Variants in FADS2 observed in about 807,000 individuals in gnomAD.
FADS2 encodes fatty acid desaturase 2.
A neutral mutation model predicts 61.2 loss-of-function variants in FADS2; 18 were observed. That is an observed-to-expected ratio of 0.29 (90% CI 0.20 to 0.44). The LOEUF (loss-of-function observed/expected upper bound fraction) is 0.44, where lower values mean the gene tolerates loss of function less well. FADS2 is among the 20% of genes least tolerant of loss of function. The pLI, the probability that FADS2 is intolerant of heterozygous loss-of-function variation, is 1.00. For synonymous variants in FADS2, 203 were observed against 223.9 expected, an observed-to-expected ratio of 0.91 and a Z score of 0.83; for missense variants, 322 against 572.7, an observed-to-expected ratio of 0.56 and a Z score of 4.47.
At chr11:61,857,586 G>T in intron 7 of FADS2, 56 bp downstream of exon 7, 2 of 1,500,728 alleles carry the variant, frequency 1.3e-6, no homozygotes, top group South Asian at 1.1e-5. Context: ...GGGACAGGGG[G>T]ACCCGGGGGT....
chr11:61,824,424 GAGA>G (rs2067055929), upstream of FADS2, among the ~76,000 whole-genome samples: 2 of 12,090 alleles, frequency 1.7e-4, no homozygotes, highest in Non-Finnish European at 4.9e-4. Flanking sequence ...GAGAGAGAGA[GAGA>G]GAGAGAGGGA....
At chr11:61,850,525 G>A (rs941585705) in intron 5 of FADS2, among the ~76,000 whole-genome samples, 2 of 152,000 alleles carry the variant, frequency 1.3e-5, no homozygotes, top group Non-Finnish European at 2.9e-5. Flanking sequence ...CTGGGATTAC[G>A]GGTGTAAGCC....
intron 4 of FADS2, 50 bp downstream of exon 4, chr11:61,840,775 C>T (rs1163858939): frequency 1.5e-6 from 2 of 1,368,002 alleles, no homozygotes; most frequent in South Asian, 1.2e-5. Flanking sequence ...GCAGTTGAGA[C>T]AGAGGGACCA....
intron 5 of FADS2, among the ~76,000 whole-genome samples, chr11:61,853,873 C>T (rs1297048454): frequency 6.6e-6 from 1 of 152,162 alleles, no homozygotes; most frequent in African/African-American, 2.4e-5. Context: ...CAAGGAGGGC[C>T]CTTGTCATTC....
intron 1 of FADS2, among the ~76,000 whole-genome samples, chr11:61,820,674 C>T (rs558189485): frequency 1.4e-4 from 22 of 151,944 alleles, no homozygotes; most frequent in Admixed American, 5.9e-4. Context: ...GTGAGGAGGG[C>T]GGATCACCTG....
chr11:61,837,722 G>A (rs770713689), intron 1 of FADS2, 56 bp from the exon 2 acceptor site: 13 of 1,253,436 alleles, frequency 1.0e-5, no homozygotes, highest in Admixed American at 1.9e-5. Flanking sequence ...CCTCCTTGGG[G>A]CCCAAGAGCA....
At chr11:61,857,984 C>T (rs931090296) in intron 7 of FADS2, among the ~76,000 whole-genome samples, 12 of 152,242 alleles carry the variant, frequency 7.9e-5, no homozygotes, top group Non-Finnish European at 1.6e-4. Context: ...TAAGCAGCAG[C>T]GATGTGTTTT....
rs373560027 is a variant in FADS2 at position 61,845,556 on chromosome 11, G to A, written c.619-2603G>A. Among the ~76,000 whole-genome samples the A allele has an allele frequency of 7.4e-4, 112 of 152,270 alleles. 1 individual carries two copies. In the South Asian group the frequency reaches 0.019, roughly 26 times the overall value. On this transcript the variant is annotated intron_variant, in intron 4 of 11. Transcript: ENST00000278840. ...GCCTGTAATCCCAGCACTTTGGGAGGCGGAGGTGGGCGGATCACCTGGGTT... is the reference window on the plus strand; with the variant it reads ...GCCTGTAATCCCAGCACTTTGGGAGACGGAGGTGGGCGGATCACCTGGGTT...
At chr11:61,852,119 G>A (rs1478487596) in intron 5 of FADS2, among the ~76,000 whole-genome samples, 1 of 152,150 alleles carries the variant, frequency 6.6e-6, no homozygotes, top group Non-Finnish European at 1.5e-5. Context: ...GCCCGGGCTT[G>A]GCCTGGGCTG....
chr11:61,841,112 G>T (rs996457596), intron 4 of FADS2, among the ~76,000 whole-genome samples: 1 of 151,414 alleles, frequency 6.6e-6, no homozygotes, highest in African/African-American at 2.4e-5. Flanking sequence ...GGAAGCAATG[G>T]TGTGATCTTG....
upstream of FADS2, among the ~76,000 whole-genome samples, chr11:61,824,207 C>A (rs2067051873): frequency 6.6e-6 from 1 of 151,828 alleles, no homozygotes; most frequent in East Asian, 1.9e-4. Flanking sequence ...CATGGAGAAA[C>A]CCTGTCTCTA....
At chr11:61,853,212 T>A (rs2067322826) in intron 5 of FADS2, among the ~76,000 whole-genome samples, 1 of 151,244 alleles carries the variant, frequency 6.6e-6, no homozygotes, top group East Asian at 1.9e-4. Flanking sequence ...AAAAAAAGTG[T>A]AGTCACTCTT....
intron 1 of FADS2, among the ~76,000 whole-genome samples, chr11:61,837,034 G>A (rs1021376643): frequency 6.6e-6 from 1 of 152,188 alleles, no homozygotes; most frequent in African/African-American, 2.4e-5. Flanking sequence ...CTTTCTGGGT[G>A]ATATTTATTT....
At chr11:61,835,475 C>T (rs1052556799) in intron 1 of FADS2, among the ~76,000 whole-genome samples, 1 of 151,250 alleles carries the variant, frequency 6.6e-6, no homozygotes, top group African/African-American at 2.4e-5. Flanking sequence ...CTCACTGCAA[C>T]CTTCCACCTC....
At position 61,865,733 on chromosome 11, in the gene FADS2, G is replaced by A; in HGVS notation, c.*44G>A. ...ACCGTGGGGAAGGGGTGCAGGTGGG[G>A]TGATGGCCAGAGGAATGATGGGCTT... On this transcript the variant is annotated 3_prime_UTR_variant, in exon 12 of 12. Coordinates refer to ENST00000278840, the MANE Select transcript of FADS2 (RefSeq NM_004265.4). The surrounding 1 kb of genome is among the most constrained non-coding windows in gnomAD (Gnocchi z 4.1). 1 of 1,548,834 alleles carries A rather than the reference G, an allele frequency of 6.5e-7. No individual in the cohort carries two copies. The highest frequency in any genetic ancestry group is 8.9e-7 in the Non-Finnish European group (1 of 1,128,350).
chr11:61,838,755 C>A (rs986789584), intron 2 of FADS2, among the ~76,000 whole-genome samples: 4 of 152,284 alleles, frequency 2.6e-5, no homozygotes, highest in African/African-American at 9.6e-5. Flanking sequence ...CATGAGATCA[C>A]CTGCCCTGTA....
At chr11:61,860,097 G>A (rs1192448496) in intron 7 of FADS2, among the ~76,000 whole-genome samples, 2 of 152,268 alleles carry the variant, frequency 1.3e-5, no homozygotes, top group Admixed American at 6.5e-5. Flanking sequence ...ATGACCTGGG[G>A]CACTGGTTCT....
At chr11:61,845,868 G>A (rs944027065) in intron 4 of FADS2, among the ~76,000 whole-genome samples, 2 of 151,132 alleles carry the variant, frequency 1.3e-5, no homozygotes, top group East Asian at 1.9e-4. Flanking sequence ...ATCTCATCCC[G>A]AGTCCAGGGA....
chr11:61,851,632 C>T (rs958091890), intron 5 of FADS2, among the ~76,000 whole-genome samples: 1 of 152,222 alleles, frequency 6.6e-6, no homozygotes, highest in Non-Finnish European at 1.5e-5. Flanking sequence ...ATGCCAGTCC[C>T]ACACACCACA....
Sources: gnomAD v4.1 joint callset for allele counts (sites outside exome capture counted in the v4.1 genomes callset) on GRCh38, gnomAD v4.1.1 for gene constraint, Gnocchi (gnomAD v3.1) non-coding constraint, MANE v1.5 for transcripts, NCBI Gene and HGNC (gene_info 2026-07-23, HGNC 2026-07-21) for gene names.